Variants in MYOM2 observed in about 807,000 individuals in gnomAD.
MYOM2 encodes myomesin 2.
Under a neutral mutation model 187.6 loss-of-function variants are expected in MYOM2, and 254 were observed. The ratio of observed to expected loss-of-function variants is 1.35; its 90% confidence interval spans 1.22 to 1.50. The LOEUF is 1.50. MYOM2 is among the 40% of genes most tolerant of loss of function. The pLI is 0.00. For missense variants in MYOM2, 2,796 were observed against 1,924.0 expected (o/e 1.45, Z -8.48); for synonymous variants, 981 against 753.8 (o/e 1.30, Z -4.94).
intron 28 of MYOM2, among the ~76,000 whole-genome samples, chr8:2,122,629 A>C (rs1243681990): frequency 6.6e-6 from 1 of 152,244 alleles, no homozygotes; most frequent in Admixed American, 6.5e-5. Context: ...GGATTCAAAC[A>C]TTCTGCCATG....
chr8:2,077,079 A>G (rs1050330992), intron 11 of MYOM2, among the ~76,000 whole-genome samples: 2 of 152,214 alleles, frequency 1.3e-5, no homozygotes, highest in African/African-American at 4.8e-5. Flanking sequence ...TGGGAGGCCA[A>G]CGCGGGCGGA....
At chr8:2,134,584 C>T (rs1045071004) in intron 32 of MYOM2, among the ~76,000 whole-genome samples, 1 of 121,432 alleles carries the variant, frequency 8.2e-6, no homozygotes, top group Non-Finnish European at 1.6e-5. Context: ...GCTGAAGTTC[C>T]CTTTTCCTTT....
chr8:2,141,974 T>G (rs62501381), intron 34 of MYOM2, among the ~76,000 whole-genome samples: 1,828 of 152,224 alleles, frequency 0.012, 37 homozygotes, highest in African/African-American at 0.041. Context: ...TGCTAGCTTA[T>G]TTAATGAACA....
At chr8:2,059,274 T>C in intron 6 of MYOM2, 29 bp downstream of exon 6, 1 of 1,581,800 alleles carries the variant, frequency 6.3e-7, no homozygotes, top group Non-Finnish European at 8.7e-7. Context: ...CTCTGGACGC[T>C]GGCGTCCAGT....
chr8:2,061,287 T>G lies in MYOM2; in HGVS notation c.653+2042T>G, dbSNP rs539758911. Reference sequence around the variant, plus strand: ...GTGAGGGAGGGTGTCTCTGTCCCTGTCCAGCCCAGTGTTTAGTGAGGGAGG... The same window carrying G: ...GTGAGGGAGGGTGTCTCTGTCCCTGGCCAGCCCAGTGTTTAGTGAGGGAGG... On this transcript the variant is annotated intron_variant, in intron 6 of 36. Coordinates refer to ENST00000262113, the MANE Select transcript of MYOM2 (RefSeq NM_003970.4). Among the ~76,000 whole-genome samples, 165 of 151,888 alleles carry G rather than the reference T, an allele frequency of 1.1e-3. 1 individual carries two copies. Among genetic ancestry groups the G allele is most frequent in the South Asian group, 5.4e-3 (26 of 4,784 alleles).
chr8:2,124,111 A>G, intron 30 of MYOM2, 68 bp from the exon 31 acceptor site: 2 of 1,451,634 alleles, frequency 1.4e-6, no homozygotes, highest in Non-Finnish European at 1.9e-6. Flanking sequence ...GATTTAATTA[A>G]ACATTGAAAA....
chr8:2,124,079 G>A (rs1797550311), intron 30 of MYOM2, 100 bp from the exon 31 acceptor site: 3 of 1,191,802 alleles, frequency 2.5e-6, no homozygotes, highest in African/African-American at 1.5e-5. Context: ...TTTTTCAACT[G>A]AACATCACAA....
intron 10 of MYOM2, 94 bp downstream of exon 10, chr8:2,073,594 CA>C: frequency 1.4e-6 from 2 of 1,420,242 alleles, no homozygotes; most frequent in Non-Finnish European, 1.9e-6. Flanking sequence ...AAAAGGAGTC[CA>C]GAGGGTGTGA....
intron 13 of MYOM2, among the ~76,000 whole-genome samples, chr8:2,083,097 A>T (rs183481023): frequency 1.5e-3 from 229 of 152,372 alleles, no homozygotes; most frequent in Non-Finnish European, 2.6e-3. Flanking sequence ...AAAATAAGAT[A>T]TTGAATGTGA....
intron 10 of MYOM2, 100 bp from the exon 11 acceptor site, chr8:2,076,041 C>A (rs375737615): frequency 8.5e-7 from 1 of 1,181,982 alleles, no homozygotes; most frequent in African/African-American, 1.5e-5. Context: ...GTGGTCAAAT[C>A]AAGGGGATAG....
In MYOM2 at chr8:2,091,443, C is replaced by T. The variant is rs556103244; in HGVS notation, c.1829-903C>T. Among the ~76,000 whole-genome samples the T allele has an allele frequency of 2.0e-5, 3 of 152,248 alleles. No individual in the cohort carries two copies. The East Asian group carries it at 5.8e-4, about 29-fold the overall frequency. ...TGAATTGCAATCCCTGGAGTCATAACTCCTTCGTGGATGGCAGTTAACTAG... is the reference window on the plus strand; with the variant it reads ...TGAATTGCAATCCCTGGAGTCATAATTCCTTCGTGGATGGCAGTTAACTAG... On this transcript the variant is annotated intron_variant, in intron 15 of 36. Coordinates refer to ENST00000262113, the MANE Select transcript of MYOM2 (RefSeq NM_003970.4).
At chr8:2,063,287 G>C (rs565686452) in intron 6 of MYOM2, among the ~76,000 whole-genome samples, 7 of 152,340 alleles carry the variant, frequency 4.6e-5, no homozygotes, top group African/African-American at 1.7e-4. Flanking sequence ...CCCACCTCTT[G>C]ATTGGCTCAG....
In MYOM2 at chr8:2,092,392, G is replaced by C; in HGVS notation, c.1875G>C (p.Lys625Asn). Residue 625 changes from lysine to asparagine, a missense_variant, in exon 16 of 37, where the codon AAG (lysine) becomes AAC (asparagine). Transcript: ENST00000262113. Reference sequence around the variant, plus strand: ...GGGTTCTTGCTTCCCGAAACACCAAGACGTCGGTGGTGGTGCAGTGGGACC... The same window carrying C: ...GGGTTCTTGCTTCCCGAAACACCAACACGTCGGTGGTGGTGCAGTGGGACC... Reference protein sequence around the residue: ...PGRVLASRNTKTSVVVQWDRP... With the variant: ...PGRVLASRNTNTSVVVQWDRP... The C allele has an allele frequency of 6.2e-7, 1 of 1,614,128 alleles. No individual in the cohort carries two copies. The highest frequency in any genetic ancestry group is 8.5e-7 in the Non-Finnish European group (1 of 1,180,014).
intron 13 of MYOM2, among the ~76,000 whole-genome samples, chr8:2,079,940 T>C (rs1819564977): frequency 6.6e-6 from 1 of 152,234 alleles, no homozygotes; most frequent in Non-Finnish European, 1.5e-5. Context: ...CTGGGTGATG[T>C]AAGATCCTTT....
intron 25 of MYOM2, among the ~76,000 whole-genome samples, chr8:2,115,600 G>A (rs1797213317): frequency 2.0e-5 from 3 of 152,194 alleles, no homozygotes; most frequent in Admixed American, 2.0e-4. Flanking sequence ...TGGGATTTTT[G>A]TCATCAGCTG....
Position 2,116,278 on chromosome 8 carries a change from G to C in MYOM2, c.3385+3G>C. 1 of 1,612,168 alleles carries C rather than the reference G, an allele frequency of 6.2e-7. No individual in the cohort carries two copies. The highest frequency in any genetic ancestry group is 8.5e-7 in the Non-Finnish European group (1 of 1,178,866). On this transcript the variant is annotated splice_donor_region_variant and intron_variant, in intron 27 of 36. Transcript: ENST00000262113. ...GAAAGAATTTCTCAGGAAACAAGGT[G>C]AGTTTCCTCACTCTGACCGGCTCCC...
chr8:2,083,432 T>TAG (rs1163619473), intron 13 of MYOM2, among the ~76,000 whole-genome samples: 40,138 of 151,152 alleles, frequency 0.27, 5,440 homozygotes, highest in East Asian at 0.33. Context: ...TAGCAGTATC[T>TAG]CATGTGTGCT....
chr8:2,128,878 C>G (rs1191057535), intron 31 of MYOM2, among the ~76,000 whole-genome samples: 2 of 152,182 alleles, frequency 1.3e-5, no homozygotes, highest in Non-Finnish European at 2.9e-5. Context: ...TCTTTTTAGA[C>G]AGTTCTATAT....
Position 2,057,711 on chromosome 8 carries a change from C to T in MYOM2, c.491C>T (p.Thr164Ile). 2 of 1,614,098 alleles carry T rather than the reference C, an allele frequency of 1.2e-6. No homozygotes were observed. Among genetic ancestry groups the T allele is most frequent in the East Asian group, 4.5e-5 (2 of 44,848 alleles). Residue 164 changes from threonine to isoleucine, a missense_variant, in exon 5 of 37, where the codon ACC becomes ATC. Coordinates refer to ENST00000262113, the MANE Select transcript of MYOM2 (RefSeq NM_003970.4). ...ATCCTGGTGCGGCTGCGATCCCACA[C>T]CGTCTGGGAGAGGATGTCTGTGAAA... The part of the protein sequence containing the change: ...PEILVRLRSH[T>I]VWERMSVKLC...
Sources: gnomAD v4.1 joint callset for allele counts (sites outside exome capture counted in the v4.1 genomes callset) on GRCh38, gnomAD v4.1.1 for gene constraint, MANE v1.5 for transcripts, NCBI Gene and HGNC (gene_info 2026-07-23, HGNC 2026-07-21) for gene names.